MICALL2: variants seen among roughly 807,000 people sequenced by gnomAD.
The protein encoded by MICALL2 is MICAL like 2.
Under a neutral mutation model 91.1 loss-of-function variants are expected in MICALL2, and 111 were observed. That is an observed-to-expected ratio of 1.22 (90% CI 1.04 to 1.43). The LOEUF (loss-of-function observed/expected upper bound fraction) is 1.43, where lower values mean the gene tolerates loss of function less well. Among genes scored for constraint, MICALL2 ranks in the 40% most tolerant of loss-of-function variants. The pLI is 0.00. For synonymous variants in MICALL2, 694 were observed against 525.3 expected (o/e 1.32, Z -4.39); for missense variants, 1,556 against 1,236.0 (o/e 1.26, Z -3.88).
At chr7:1,447,881 C>T (rs1356215821) in intron 3 of MICALL2, 116 bp from the exon 4 acceptor site, 2 of 824,672 alleles carry the variant, frequency 2.4e-6, no homozygotes, top group Non-Finnish European at 3.5e-6. Context: ...GACCTGGGGG[C>T]CCAGGGCTGG....
rs1332517640 is a variant in MICALL2, at chr7:1,459,255, G to C, written c.72C>G (p.Cys24Trp). 9 of 1,610,716 alleles carry C rather than the reference G, an allele frequency of 5.6e-6. No individual in the cohort carries two copies. The highest frequency in any genetic ancestry group is 5.9e-6 in the Non-Finnish European group (7 of 1,178,930). Residue 24 changes from cysteine (C) to tryptophan (W), a missense_variant, in exon 1 of 17, where the codon TGC becomes TGG. Cys to Trp is a radical substitution (Grantham distance 215). Transcript: ENST00000297508. ...CGTCGCGGAACGACGTGGTCATGTT[G>C]CAGATATTCACGTCGCGGTAGCCCT... is the stretch of plus-strand genomic sequence containing the variant. ...QCEGYRDVNI[C>W]NMTTSFRDGL... is the part of the protein sequence containing the mutation.
At chr7:1,454,176 G>C (rs983711214) in intron 1 of MICALL2, among the ~76,000 whole-genome samples, 2 of 142,546 alleles carry the variant, frequency 1.4e-5, no homozygotes, top group African/African-American at 6.1e-5. Context: ...TGGGGAGGGC[G>C]GGGGGGTGCA....
chr7:1,442,472 G>A lies in MICALL2; in HGVS notation c.1431C>T (p.Ala477=), dbSNP rs1463686048. 7 of 1,530,012 alleles carry A rather than the reference G, an allele frequency of 4.6e-6. No individual in the cohort carries two copies. Among genetic ancestry groups the A allele is most frequent in the African/African-American group, 2.8e-5 (2 of 72,278 alleles). 94.8% of individuals were successfully genotyped at this position (1,530,012 alleles called of 1,614,324 possible). ...GAPAPGRPSP[A]TAAVPSSQPK... ...GCTGAGAACTGGGAACAGCGGCAGTGGCTGGGGAGGGCCTATAAGTAAAAG... is the reference window on the plus strand; with the variant it reads ...GCTGAGAACTGGGAACAGCGGCAGTAGCTGGGGAGGGCCTATAAGTAAAAG... The change falls in exon 7 of 17, where the codon GCC becomes GCT. Residue 477 remains alanine, a synonymous_variant. Transcript: ENST00000297508.
intron 15 of MICALL2, 21 bp from the exon 16 acceptor site, chr7:1,435,168 C>G: frequency 6.2e-7 from 1 of 1,613,130 alleles, no homozygotes; most frequent in South Asian, 1.1e-5. Flanking sequence ...ACCAGATGGC[C>G]ATGAGCGACA....
chr7:1,436,713 G>A, intron 15 of MICALL2, 29 bp downstream of exon 15: 2 of 1,568,312 alleles, frequency 1.3e-6, no homozygotes, highest in African/African-American at 2.7e-5. Context: ...TGGCCTGGCT[G>A]GGAGGGGCCC....
rs1213556609 is a variant in MICALL2 at position 1,452,147 on chromosome 7, C to T, written c.144-1859G>A. 6.6e-6 allele frequency among the ~76,000 whole-genome samples: 1 copy of T among 152,190 alleles called. No individual in the cohort carries two copies. The highest frequency in any genetic ancestry group is 1.5e-5 in the Non-Finnish European group (1 of 68,024). On this transcript the variant is annotated intron_variant, in intron 1 of 16. Transcript: ENST00000297508. This position sits in a 1 kb window ranked among gnomAD's most constrained non-coding sequence, Gnocchi z 6.2. The stretch of plus-strand genomic sequence containing the variant: ...GGTAACAGGTTTCAGACGGCAGGAC[C>T]ACCCGTCTGCACAGGCGGAGCTTCT...
intron 16 of MICALL2, 121 bp downstream of exon 16, chr7:1,434,980 T>TGG: frequency 9.5e-6 from 6 of 628,924 alleles, no homozygotes; most frequent in African/African-American, 2.0e-5. Context: ...GGGGACCCGA[T>TGG]ACCCGCCCCC....
chr7:1,437,974 G>C lies in MICALL2; in HGVS notation c.2318C>G (p.Ala773Gly), dbSNP rs762036605. Residue 773 changes from alanine to glycine, a missense_variant, in exon 13 of 17, where the codon GCT becomes GGT. Transcript: ENST00000297508. The part of the protein sequence containing the change: ...KRLRAAEGDD[A>G]EDSLMVDWFW... ...CCAGTCCACCATGAGGCTATCCTCA[G>C]CGTCATCTGGGGAGAGGAGCCAGCT... The C allele has an allele frequency of 1.3e-6, 2 of 1,550,494 alleles. No homozygotes were observed. The highest frequency in any genetic ancestry group is 1.4e-5 in the African/African-American group (1 of 73,294).
Position 1,447,660 on chromosome 7 carries a change from G to T in MICALL2, c.440C>A (p.Ala147Asp). The change falls in exon 4 of 17, where the codon GCC (alanine) becomes GAC (aspartate). Residue 147 changes from alanine to aspartate, a missense_variant. Coordinates refer to ENST00000297508, the MANE Select transcript of MICALL2 (RefSeq NM_182924.4). ...QAAKLPSPAPARKPPLSPAQT... is the reference protein window; with the variant it reads ...QAAKLPSPAPDRKPPLSPAQT... ...GGCTGGAGATAGTGGAGGCTTCCGG[G>T]CTGGGGCGGGCGAGGGCAGCTTGGC... The T allele has an allele frequency of 6.3e-7, 1 of 1,589,780 alleles. No homozygotes were observed. The highest frequency in any genetic ancestry group is 8.6e-7 in the Non-Finnish European group (1 of 1,168,916).
At chr7:1,437,847 G>A (rs375327542) in intron 13 of MICALL2, 43 bp downstream of exon 13, 13 of 1,519,234 alleles carry the variant, frequency 8.6e-6, no homozygotes, top group East Asian at 2.5e-5. Context: ...AGCCCGCAAC[G>A]AGGTCCTGGC....
chr7:1,457,924 T>C (rs1000059251), intron 1 of MICALL2, among the ~76,000 whole-genome samples: 2 of 152,394 alleles, frequency 1.3e-5, no homozygotes, highest in Middle Eastern at 3.4e-3. Flanking sequence ...TCCAGGTCCC[T>C]GGCCCTCTCC....
rs754908200 is a variant in MICALL2 at position 1,436,902 on chromosome 7, G to A, written c.2477-46C>T. ...CAGGAGCCCCCCCCACCACTGCCAT[G>A]CCCCTCACAGGACACAATGTCCCCA... On this transcript the variant is annotated intron_variant, in intron 14 of 16. Transcript: ENST00000297508. 56 of 1,384,992 alleles carry A rather than the reference G, an allele frequency of 4.0e-5. 1 individual carries two copies. Among genetic ancestry groups the A allele is most frequent in the South Asian group, 3.1e-4 (23 of 74,662 alleles). 85.8% of individuals were successfully genotyped at this position (1,384,992 alleles called of 1,614,324 possible). A position where few individuals can be genotyped will look rare whatever the true frequency, so the allele number is the denominator to read the frequency against.
At chr7:1,447,492 G>T (rs1011761249) in intron 4 of MICALL2, 83 bp downstream of exon 4, 4 of 844,662 alleles carry the variant, frequency 4.7e-6, no homozygotes, top group African/African-American at 1.8e-5. Context: ...TGGCTTAGGG[G>T]CCGCACGTAG....
At chr7:1,434,980 T>TTGCCCC in intron 16 of MICALL2, 121 bp downstream of exon 16, 24 of 628,918 alleles carry the variant, frequency 3.8e-5, no homozygotes, top group East Asian at 6.0e-5. Context: ...GGGGACCCGA[T>TTGCCCC]ACCCGCCCCC....
chr7:1,454,837 C>T (rs1156501804), intron 1 of MICALL2, among the ~76,000 whole-genome samples: 1 of 152,186 alleles, frequency 6.6e-6, no homozygotes, highest in African/African-American at 2.4e-5. Flanking sequence ...GGAGCCCCGC[C>T]ACCCTTGGGA....
chr7:1,454,496 G>A (rs1416467829), intron 1 of MICALL2, among the ~76,000 whole-genome samples: 2 of 152,142 alleles, frequency 1.3e-5, no homozygotes. Flanking sequence ...AGGGGAGGCC[G>A]CAGAGCCCCC....
rs1780610100 is a variant in MICALL2 at position 1,446,719 on chromosome 7, C to T, written c.635G>A (p.Cys212Tyr). Reference protein sequence around the residue: ...LADGRLYHRSCFRCKQCSCTL... With the variant: ...LADGRLYHRSYFRCKQCSCTL... ...GGGCAGAGGGCAGCCCCACCTGAAG[C>T]AGCTCCGGTGGTAAAGCCTCCCGTC... Residue 212 changes from cysteine (C) to tyrosine (Y), a missense_variant, in exon 5 of 17, where the codon TGC (cysteine) becomes TAC (tyrosine). Physicochemically the swap from Cys to Tyr is radical, Grantham distance 194. Transcript: ENST00000297508. The T allele has an allele frequency of 6.3e-7, 1 of 1,595,428 alleles. No homozygotes were observed. Among genetic ancestry groups the T allele is most frequent in the Non-Finnish European group, 8.5e-7 (1 of 1,171,782 alleles).
At chr7:1,459,087 G>T in intron 1 of MICALL2, 97 bp downstream of exon 1, 1 of 1,300,182 alleles carries the variant, frequency 7.7e-7, no homozygotes, top group Non-Finnish European at 1.1e-6. Flanking sequence ...CCACGCCTCG[G>T]CTCCCCATCC....
At chr7:1,437,780 GCA>G (rs1780046090) in intron 13 of MICALL2, 108 bp downstream of exon 13, 1 of 1,247,470 alleles carries the variant, frequency 8.0e-7, no homozygotes, top group African/African-American at 1.5e-5. Flanking sequence ...TGGACCTGCC[GCA>G]CAGACATGCA....
Sources: allele counts gnomAD v4.1 joint callset (sites outside exome capture counted in the v4.1 genomes callset), GRCh38; gene constraint gnomAD v4.1.1; non-coding constraint Gnocchi (gnomAD v3.1); transcripts MANE v1.5; gene names NCBI Gene and HGNC (gene_info 2026-07-23, HGNC 2026-07-21).